Variants in ACTR8 observed in about 807,000 individuals in gnomAD.
The protein encoded by ACTR8 is actin related protein 8.
In ACTR8, 70 loss-of-function variants were observed where a neutral mutation model predicts 84.3. The observed-to-expected ratio is 0.83, with a 90% CI of 0.68 to 1.01. The LOEUF (loss-of-function observed/expected upper bound fraction) is 1.01, where lower values mean the gene tolerates loss of function less well. Ranked by LOEUF, ACTR8 falls within the 50% of genes least tolerant of loss-of-function variation. The pLI, the probability that ACTR8 is intolerant of heterozygous loss-of-function variation, is 0.00. For synonymous variants in ACTR8, 268 were observed against 275.2 expected (o/e 0.97, Z 0.26); for missense variants, 672 against 775.4 (o/e 0.87, Z 1.58).
chr3:53,870,103 A>G lies in ACTR8; in HGVS notation c.1610T>C (p.Val537Ala). 2 of 1,614,146 alleles carry G rather than the reference A, an allele frequency of 1.2e-6. No individual in the cohort carries two copies. Among genetic ancestry groups the G allele is most frequent in the Admixed American group, 1.7e-5 (1 of 60,022 alleles). ...TKKKMYSSIL[V>A]VGGGLMFHKA... Reference sequence around the variant, plus strand: ...ATGAAACATCAAACCACCTCCCACCACTAGGATGGAGCTGTACATCTTCTT... The same window carrying G: ...ATGAAACATCAAACCACCTCCCACCGCTAGGATGGAGCTGTACATCTTCTT... Residue 537 changes from valine to alanine, a missense_variant, in exon 12 of 13, where the codon GTG (valine) becomes GCG (alanine). Physicochemically the swap from Val to Ala is moderately conservative, Grantham distance 64. Coordinates refer to ENST00000335754, the MANE Select transcript of ACTR8 (RefSeq NM_022899.5). This position sits in a 1 kb window ranked among gnomAD's most constrained non-coding sequence, Gnocchi z 4.1.
At chr3:53,878,600 C>T in intron 2 of ACTR8, 133 bp from the exon 3 acceptor site, 2 of 649,078 alleles carry the variant, frequency 3.1e-6, no homozygotes. Flanking sequence ...ATCTTTATCA[C>T]ATGTACTGCT....
chr3:53,879,348 C>T (rs184730763), intron 2 of ACTR8, among the ~76,000 whole-genome samples: 174 of 152,158 alleles, frequency 1.1e-3, no homozygotes, highest in African/African-American at 4.0e-3. Flanking sequence ...TTTACATTCC[C>T]AAAACTATCC....
rs1198655405 is a variant in ACTR8, at chr3:53,870,015, A to C, written c.1698T>G (p.Ile566Met). ...LNKMPPSFRR[I>M]IENVDVITRP... ...TTGTGATCACATCCACATTTTCAAT[A>C]ATTCGCCTGAAGGATGGTGGCATTT... Residue 566 changes from isoleucine (I) to methionine (M), a missense_variant, in exon 12 of 13, where the codon ATT becomes ATG. By Grantham distance (10) the Ile-to-Met change is conservative. Coordinates refer to ENST00000335754, the MANE Select transcript of ACTR8 (RefSeq NM_022899.5). This position sits in a 1 kb window ranked among gnomAD's most constrained non-coding sequence, Gnocchi z 4.1. The C allele has an allele frequency of 6.2e-7, 1 of 1,614,166 alleles. No individual in the cohort carries two copies. Among genetic ancestry groups the C allele is most frequent in the Admixed American group, 1.7e-5 (1 of 60,020 alleles).
rs1258989631 is a variant in ACTR8, at chr3:53,870,870, A to G, written c.1567+362T>C. ...AAGCTTTCCCTGCCTCCCACCTTCC[A>G]TACCATCCCCTAGTGAGTAAAGATT... On this transcript the variant is annotated intron_variant, in intron 11 of 12. Coordinates refer to ENST00000335754, the MANE Select transcript of ACTR8 (RefSeq NM_022899.5). This position sits in a 1 kb window ranked among gnomAD's most constrained non-coding sequence, Gnocchi z 4.1. 6.6e-6 allele frequency among the ~76,000 whole-genome samples: 1 copy of G among 152,082 alleles called. No homozygotes were observed. The highest frequency in any genetic ancestry group is 2.4e-5 in the African/African-American group (1 of 41,430).
In ACTR8 at chr3:53,879,960, C is replaced by A. The variant is rs1473452815; in HGVS notation, c.273G>T (p.Trp91Cys). 7 of 1,613,062 alleles carry A rather than the reference C, an allele frequency of 4.3e-6. No individual in the cohort carries two copies. Among genetic ancestry groups the A allele is most frequent in the Non-Finnish European group, 2.5e-6 (3 of 1,179,304 alleles). The change falls in exon 2 of 13, where the codon TGG becomes TGT. Residue 91 changes from tryptophan (W) to cysteine (C), a missense_variant. Coordinates refer to ENST00000335754, the MANE Select transcript of ACTR8 (RefSeq NM_022899.5). ...TTACATTTAGTCCCTCCCTTAGGAG[C>A]CAACTGTCCTTGTATAGGGGCTGCC... ...QQGQPLYKDSWLLREGLNKPE... is the reference protein window; with the variant it reads ...QQGQPLYKDSCLLREGLNKPE...
At chr3:53,869,938 G>GT (rs1209042672) in intron 12 of ACTR8, 44 bp downstream of exon 12, 3 of 1,603,872 alleles carry the variant, frequency 1.9e-6, no homozygotes, top group Non-Finnish European at 2.6e-6. Flanking sequence ...TACAAGGCTG[G>GT]TTTCATTTGC....
At position 53,867,650 on chromosome 3, in the gene ACTR8, A is replaced by G. The variant is rs1699814225; in HGVS notation, c.*1069T>C. The G allele has an allele frequency of 6.6e-6, 1 of 152,284 alleles. No homozygotes were observed. The highest frequency in any genetic ancestry group is 2.1e-4 in the South Asian group (1 of 4,828). 9.4% of individuals were successfully genotyped at this position (152,284 alleles called of 1,614,324 possible). On this transcript the variant is annotated 3_prime_UTR_variant, in exon 13 of 13. Coordinates refer to ENST00000335754, the MANE Select transcript of ACTR8 (RefSeq NM_022899.5). ...AAGCAGGTGCCTAGAAGCAAGCAGC[A>G]GGAAGCAGCATTTTCCCACTCCTCC...
downstream of ACTR8, chr3:53,865,109 A>C: frequency 6.2e-7 from 1 of 1,614,162 alleles, no homozygotes; most frequent in Non-Finnish European, 8.5e-7. Flanking sequence ...CTAAGAAGCC[A>C]GATTCATCTG....
downstream of ACTR8, chr3:53,865,485 G>T: frequency 1.9e-6 from 1 of 525,510 alleles, no homozygotes; most frequent in South Asian, 3.3e-5. Flanking sequence ...ACTAACGATT[G>T]GAAACTACAT....
At chr3:53,859,153 A>C in the ACTR8 span, 4 of 205,456 alleles carry the variant, frequency 1.9e-5, no homozygotes, top group East Asian at 1.2e-4. Context: ...ATATATGAGA[A>C]TGAATATTTC....
intron 12 of ACTR8, 132 bp downstream of exon 12, chr3:53,869,848 ATT>A: frequency 3.8e-6 from 4 of 1,064,868 alleles, no homozygotes; most frequent in Non-Finnish European, 5.3e-6. Flanking sequence ...GCTTGCTGAA[ATT>A]AACTTTTCCA....
At chr3:53,859,217 T>A in the ACTR8 span, 1 of 158,170 alleles carries the variant, frequency 6.3e-6, no homozygotes, top group Admixed American at 6.5e-5. Flanking sequence ...GCTTTTGGTG[T>A]GGTCACATGG....
At chr3:53,865,461 C>T, downstream of ACTR8, 2 of 572,302 alleles carry the variant, frequency 3.5e-6, no homozygotes, top group Non-Finnish European at 5.9e-6. Flanking sequence ...ATATTGCTAA[C>T]TAATGTAGCA....
At chr3:53,871,957 G>A (rs1016862000) in intron 10 of ACTR8, among the ~76,000 whole-genome samples, 1 of 152,170 alleles carries the variant, frequency 6.6e-6, no homozygotes, top group African/African-American at 2.4e-5. Flanking sequence ...TTCATTAGCA[G>A]ACAAGACCTT....
rs931229248 is a variant in ACTR8 at position 53,867,643 on chromosome 3, A to C, written c.*1076T>G. ...ATGGCGGAAGCAGGTGCCTAGAAGC[A>C]AGCAGCAGGAAGCAGCATTTTCCCA... On this transcript the variant is annotated 3_prime_UTR_variant, in exon 13 of 13. Transcript: ENST00000335754. The C allele has an allele frequency of 6.6e-6, 1 of 152,232 alleles. No homozygotes were observed. The highest frequency in any genetic ancestry group is 2.4e-5 in the African/African-American group (1 of 41,440). The allele number at this position is 152,232 out of a possible 1,614,324, so 9.4% of individuals were successfully genotyped here. A position where few individuals can be genotyped will look rare whatever the true frequency, so the allele number is the denominator to read the frequency against.
rs749166191 is a variant in ACTR8, at chr3:53,868,842, A to C, written c.1752T>G (p.Ile584Met). The change falls in exon 13 of 13, where the codon ATT (isoleucine) becomes ATG (methionine). Residue 584 changes from isoleucine to methionine, a missense_variant. Physicochemically the swap from Ile to Met is conservative, Grantham distance 10 (BLOSUM62 1). Transcript: ENST00000335754. ...CCAACACTGCCCCTCCTTTCCATGC[A>C]ATCAGCCGGGGGTCCATGTCCTACA... ...TRPKDMDPRL[I>M]AWKGGAVLAC... The C allele has an allele frequency of 2.7e-5, 44 of 1,614,124 alleles. No homozygotes were observed. Among genetic ancestry groups the C allele is most frequent in the Non-Finnish European group, 3.6e-5 (43 of 1,180,006 alleles).
chr3:53,869,855 T>C, intron 12 of ACTR8, 127 bp downstream of exon 12: 1 of 1,114,994 alleles, frequency 9.0e-7, no homozygotes, highest in Non-Finnish European at 1.2e-6. Context: ...GAAATTAACT[T>C]TTCCACTTGC....
chr3:53,860,385 C>G, the ACTR8 span: 30 of 500,828 alleles, frequency 6.0e-5, no homozygotes, highest in Non-Finnish European at 1.1e-4. Context: ...GAGACTGATA[C>G]GAGCATGACT....
In ACTR8 at chr3:53,876,802, G is replaced by A. The variant is rs1230867261; in HGVS notation, c.685-89C>T. ...CTTTTTAGAGAGACTTCCCTCCAAA[G>A]GAGTAGCAGCTACGGTTACACACCC... On this transcript the variant is annotated intron_variant, in intron 5 of 12. Transcript: ENST00000335754. 1.2e-5 allele frequency: 8 copies of A among 651,558 alleles called. No homozygotes were observed. The East Asian group carries it at 2.5e-4, about 20-fold the overall frequency. 40.4% of individuals were successfully genotyped at this position (651,558 alleles called of 1,614,324 possible). A position where few individuals can be genotyped will look rare whatever the true frequency, so the allele number is the denominator to read the frequency against.
Sources: allele counts gnomAD v4.1 joint callset (sites outside exome capture counted in the v4.1 genomes callset), GRCh38; gene constraint gnomAD v4.1.1; non-coding constraint Gnocchi (gnomAD v3.1); transcripts MANE v1.5; gene names NCBI Gene and HGNC (gene_info 2026-07-23, HGNC 2026-07-21).